Variants in KLK4 observed in about 807,000 individuals in gnomAD.
KLK4 encodes the protein kallikrein related peptidase 4.
Under a neutral mutation model 24.3 loss-of-function variants are expected in KLK4, and 24 were observed. The ratio of observed to expected loss-of-function variants is 0.99; its 90% CI spans 0.72 to 1.39. The LOEUF (loss-of-function observed/expected upper bound fraction) is 1.39, where lower values mean the gene tolerates loss of function less well. Among genes scored for constraint, KLK4 ranks in the 40% most tolerant of loss-of-function variants. The pLI, the probability that KLK4 is intolerant of heterozygous loss-of-function variation, is 0.00. For missense variants in KLK4, 344 were observed against 327.4 expected, an observed-to-expected ratio of 1.05 and a Z score of -0.39; for synonymous variants, 142 against 138.8, an observed-to-expected ratio of 1.02 and a Z score of -0.16.
At chr19:50,909,024 A>T in intron 3 of KLK4, 195 bp from the exon 4 acceptor site, 1 of 1,485,942 alleles carries the variant, frequency 6.7e-7, no homozygotes. Flanking sequence ...TTAGTTCACT[A>T]GAGACTCAGC....
chr19:50,910,153 C>T lies in KLK4; in HGVS notation c.61+525G>A, dbSNP rs983399668. 6.6e-6 allele frequency among the ~76,000 whole-genome samples: 1 copy of T among 151,992 alleles called. No homozygotes were observed. The highest frequency in any genetic ancestry group is 2.4e-5 in the African/African-American group (1 of 41,328). On this transcript the variant is annotated intron_variant, in intron 2 of 5. Transcript: ENST00000324041. The surrounding 1 kb of genome is among the most constrained non-coding windows in gnomAD (Gnocchi z 4.4). ...GAGCAAGGATCGGGTCACTTGTCTG[C>T]GCAGACTGATGCTCAAAGAGTCGGT... is the stretch of plus-strand genomic sequence containing the variant.
exon 5 of KLK4, chr19:50,908,436 T>G: frequency 5.0e-6 from 8 of 1,614,140 alleles, no homozygotes; most frequent in Non-Finnish European, 6.8e-6. Flanking sequence ...TAGAGCTTAC[T>G]GCAGACCTCC....
In KLK4 at chr19:50,910,831, C is replaced by T. The variant is rs1346048614; in HGVS notation, c.-11-82G>A. The T allele has an allele frequency of 1.6e-6, 2 of 1,246,924 alleles. No individual in the cohort carries two copies. The highest frequency in any genetic ancestry group is 2.0e-5 in the Admixed American group (1 of 50,594). The allele number at this position is 1,246,924 out of a possible 1,614,324, so 77.2% of individuals were successfully genotyped here. On this transcript the variant is annotated intron_variant, in intron 1 of 5. Transcript: ENST00000324041. The surrounding 1 kb of genome is among the most constrained non-coding windows in gnomAD (Gnocchi z 4.4). ...CATCCCTCTCTTTGTCCCTCCCTTT[C>T]TTCCCTCTGGGACGTTATTAGGTAG...
rs1414489447 is a variant in KLK4 at position 50,910,928 on chromosome 19, GAGAGAGAAAA to G, written c.-11-189_-11-180del. On this transcript the variant is annotated intron_variant, in intron 1 of 5. Transcript: ENST00000324041. The surrounding 1 kb of genome is among the most constrained non-coding windows in gnomAD (Gnocchi z 4.4). ...ACCTAGAGAGACAGATTTAGAGACT[GAGAGAGAAAA>G]AGAGAGAGAGAGATGGGAAAAGAGA... is the stretch of plus-strand genomic sequence containing the variant. 7.1e-6 allele frequency among the ~76,000 whole-genome samples: 1 copy of G among 140,592 alleles called. No homozygotes were observed. The highest frequency in any genetic ancestry group is 1.5e-5 in the Non-Finnish European group (1 of 64,558). 92.2% of individuals were successfully genotyped at this position (140,592 alleles called of 152,430 possible).
At chr19:50,908,133 G>C (rs1037974262) in intron 5 of KLK4, 11 of 596,722 alleles carry the variant, frequency 1.8e-5, no homozygotes, top group Non-Finnish European at 3.3e-5. Context: ...GCATTTCTAT[G>C]TGTGTGTGTT....
At chr19:50,909,566 GC>G in intron 2 of KLK4, 152 bp from the exon 3 acceptor site, 1 of 827,958 alleles carries the variant, frequency 1.2e-6, no homozygotes, top group Non-Finnish European at 2.0e-6. Context: ...CAGGAGGCGG[GC>G]CCAGGGCTCT....
Position 50,910,690 on chromosome 19 carries a change from G to C in KLK4, c.49C>G (p.Leu17Val). 1 of 1,555,700 alleles carries C rather than the reference G, an allele frequency of 6.4e-7. No individual in the cohort carries two copies. Among genetic ancestry groups the C allele is most frequent in the African/African-American group, 1.4e-5 (1 of 73,470 alleles). ...CATACTCAGATACCTGCGACACCAAGGATGAGGTACCCCAGGAACCAGCCC... is the reference window on the plus strand; with the variant it reads ...CATACTCAGATACCTGCGACACCAACGATGAGGTACCCCAGGAACCAGCCC... The change falls in exon 2 of 6, where the codon CTT becomes GTT. Residue 17 changes from leucine (L) to valine (V), a missense_variant. Physicochemically the swap from Leu to Val is conservative, Grantham distance 32. Coordinates refer to ENST00000324041, the Ensembl canonical transcript of KLK4. The surrounding 1 kb of genome is among the most constrained non-coding windows in gnomAD (Gnocchi z 4.4).
chr19:50,908,619 C>T (rs1568514287), exon 4 of KLK4: 3 of 1,614,092 alleles, frequency 1.9e-6, no homozygotes, highest in Non-Finnish European at 2.5e-6. Context: ...GGCAAGAGTT[C>T]CCCGCGGTAG....
chr19:50,908,350 C>G lies in KLK4; in HGVS notation c.612+9G>C, dbSNP rs747020091. On this transcript the variant is annotated intron_variant, in intron 5 of 5. Coordinates refer to ENST00000324041, the Ensembl canonical transcript of KLK4. The stretch of plus-strand genomic sequence containing the variant: ...TGAGTCGCCTGCCCTCCCCTTTCCC[C>G]TCTCTCACGTTGCAGGAGTCCTTCT... The G allele has an allele frequency of 4.3e-6, 7 of 1,612,700 alleles. No homozygotes were observed. Among genetic ancestry groups the G allele is most frequent in the Non-Finnish European group, 5.9e-6 (7 of 1,180,028 alleles).
chr19:50,907,790 T>C (rs762126308), intron 5 of KLK4, among the ~76,000 whole-genome samples: 3 of 152,200 alleles, frequency 2.0e-5, no homozygotes, highest in East Asian at 1.9e-4. Context: ...GGGTACACAG[T>C]TGACCCTTGA....
rs1454432442 is a variant in KLK4 at position 50,908,568 on chromosome 19, C to A, written c.475+11G>T. ...TCCTTGAAGAGGGCAGACACACACC[C>A]GTGAGCTCACCGTTCGCCAGCAGAC... On this transcript the variant is annotated intron_variant, in intron 4 of 5. Coordinates refer to ENST00000324041, the Ensembl canonical transcript of KLK4. 3.7e-6 allele frequency: 6 copies of A among 1,614,094 alleles called. No homozygotes were observed. Among genetic ancestry groups the A allele is most frequent in the Non-Finnish European group, 5.1e-6 (6 of 1,180,048 alleles).
At chr19:50,908,655 C>T (rs372445226) in exon 4 of KLK4, 50 of 1,614,200 alleles carry the variant, frequency 3.1e-5, no homozygotes, top group Non-Finnish European at 4.2e-5. Flanking sequence ...TGCTGATGCT[C>T]CGGATGGTGT....
At chr19:50,909,334 G>C (rs1354008789) in exon 3 of KLK4, 6 of 1,614,132 alleles carry the variant, frequency 3.7e-6, no homozygotes, top group Non-Finnish European at 3.4e-6. Flanking sequence ...TCCATGACCA[G>C]TGCCGCCTGC....
At chr19:50,906,849 G>A in exon 6 of KLK4, 3 of 1,552,202 alleles carry the variant, frequency 1.9e-6, no homozygotes, top group South Asian at 1.1e-5. Context: ...GGGCCTGAGG[G>A]AGGAGGGGCT....
intron 2 of KLK4, among the ~76,000 whole-genome samples, chr19:50,909,626 T>C (rs2123516684): frequency 9.0e-6 from 1 of 111,194 alleles, no homozygotes; most frequent in East Asian, 2.7e-4. Context: ...TCAGGAGCAG[T>C]CAGGACTCTT....
chr19:50,907,057 G>A (rs768692477), exon 6 of KLK4: 11 of 1,614,066 alleles, frequency 6.8e-6, no homozygotes, highest in Admixed American at 3.3e-5. Context: ...GCAAGTACCC[G>A]TTGCAGATCA....
intron 5 of KLK4, chr19:50,908,064 G>A (rs2090449163): frequency 2.0e-6 from 1 of 490,428 alleles, no homozygotes; most frequent in South Asian, 2.1e-5. Flanking sequence ...AGTTATAAGA[G>A]GATTTTCTGT....
chr19:50,908,755 C>A, exon 4 of KLK4: 1 of 1,614,086 alleles, frequency 6.2e-7, no homozygotes, highest in Non-Finnish European at 8.5e-7. Context: ...TACGGAGAGG[C>A]TGGCCTCCAC....
exon 4 of KLK4, chr19:50,908,742 C>T: frequency 6.2e-7 from 1 of 1,614,174 alleles, no homozygotes; most frequent in East Asian, 2.2e-5. Flanking sequence ...ACTCTGGGTG[C>T]CGTACGGAGA....
Sources: allele counts gnomAD v4.1 joint callset (sites outside exome capture counted in the v4.1 genomes callset), GRCh38; gene constraint gnomAD v4.1.1; non-coding constraint Gnocchi (gnomAD v3.1); transcripts MANE v1.5; gene names NCBI Gene and HGNC (gene_info 2026-07-23, HGNC 2026-07-21).